The following ZNF385D variants were observed in gnomAD, a reference collection of about 807,000 sequenced individuals.
The protein encoded by ZNF385D is zinc finger protein 659.
A neutral mutation model predicts 35.8 loss-of-function variants in ZNF385D; 15 were observed. The observed-to-expected ratio is 0.42, with a 90% confidence interval of 0.28 to 0.64. The LOEUF (loss-of-function observed/expected upper bound fraction) is 0.64. Ranked by LOEUF, ZNF385D falls within the 30% of genes least tolerant of loss-of-function variation. ZNF385D has a pLI of 0.23. For synonymous variants in ZNF385D, 212 were observed against 186.8 expected (o/e 1.13, Z -1.10); for missense variants, 474 against 494.6 (o/e 0.96, Z 0.39).
At chr3:22,138,979 C>A (rs1394590822) in intron 3 of ZNF385D, among the ~76,000 whole-genome samples, 1 of 152,092 alleles carries the variant, frequency 6.6e-6, no homozygotes, top group Non-Finnish European at 1.5e-5. Context: ...AAGAAAAAAA[C>A]AAACAACCCC....
At chr3:22,192,728 T>G (rs1193680445) in intron 2 of ZNF385D, among the ~76,000 whole-genome samples, 1 of 152,130 alleles carries the variant, frequency 6.6e-6, no homozygotes, top group Non-Finnish European at 1.5e-5. Flanking sequence ...TCCAGACCTA[T>G]AGAAAATGTG....
intron 2 of ZNF385D, among the ~76,000 whole-genome samples, chr3:21,571,816 G>A (rs2063343365): frequency 6.6e-6 from 1 of 152,146 alleles, no homozygotes; most frequent in Non-Finnish European, 1.5e-5. Flanking sequence ...CGATTCAGAA[G>A]CAGCTCAATG....
chr3:21,485,610 C>T (rs935753254), intron 4 of ZNF385D, among the ~76,000 whole-genome samples: 2 of 151,884 alleles, frequency 1.3e-5, no homozygotes, highest in Non-Finnish European at 2.9e-5. Context: ...CCATTTTTCC[C>T]ATCTGTGAGG....
At chr3:22,203,418 C>T (rs760919604) in intron 2 of ZNF385D, among the ~76,000 whole-genome samples, 8 of 152,098 alleles carry the variant, frequency 5.3e-5, no homozygotes, top group African/African-American at 1.4e-4. Flanking sequence ...TGGGCTATAC[C>T]GGCTTCAAAG....
chr3:21,784,043 A>G (rs1031637277), intron 3 of ZNF385D, among the ~76,000 whole-genome samples: 1 of 152,154 alleles, frequency 6.6e-6, no homozygotes, highest in Admixed American at 6.5e-5. Context: ...TTGCCAGACT[A>G]ATTCAGCAGG....
At chr3:22,277,827 G>A (rs1396797322) in intron 2 of ZNF385D, among the ~76,000 whole-genome samples, 1 of 152,094 alleles carries the variant, frequency 6.6e-6, no homozygotes, top group African/African-American at 2.4e-5. Context: ...AGCATTACAT[G>A]ATGAAAGAGC....
In ZNF385D at chr3:21,602,412, G is replaced by T. The variant is rs1191080778; in HGVS notation, c.166-37728C>A. Among the ~76,000 whole-genome samples, 5 of 150,928 alleles carry T rather than the reference G, an allele frequency of 3.3e-5. No individual in the cohort carries two copies. The East Asian group carries it at 9.9e-4, about 30-fold the overall frequency. ...AAAATAATAAATGAATGGGCACATA[G>T]AACTCTTATTTTACGGGAAATGCAG... On this transcript the variant is annotated intron_variant, in intron 2 of 7. Transcript: ENST00000281523.
intron 2 of ZNF385D, among the ~76,000 whole-genome samples, chr3:22,331,480 A>G (rs1694934526): frequency 6.6e-6 from 1 of 152,176 alleles, no homozygotes; most frequent in African/African-American, 2.4e-5. Context: ...ATTAATGAAA[A>G]CTTAATATTA....
intron 2 of ZNF385D, among the ~76,000 whole-genome samples, chr3:22,332,004 G>T (rs989492747): frequency 3.3e-5 from 5 of 152,144 alleles, no homozygotes; most frequent in Middle Eastern, 6.8e-3. Context: ...AAGTAATATA[G>T]AAGAATAGTA....
chr3:22,043,083 AT>A (rs36005784), intron 3 of ZNF385D, among the ~76,000 whole-genome samples: 1 of 152,020 alleles, frequency 6.6e-6, no homozygotes, highest in Admixed American at 6.6e-5. Flanking sequence ...ATTCCTTGAC[AT>A]TTTTTCCACT....
chr3:21,544,335 C>T (rs1296067681), intron 3 of ZNF385D, among the ~76,000 whole-genome samples: 2 of 152,180 alleles, frequency 1.3e-5, no homozygotes, highest in African/African-American at 2.4e-5. Context: ...ATTAAGGCAA[C>T]TTATCAAGTT....
intron 2 of ZNF385D, among the ~76,000 whole-genome samples, chr3:22,260,473 T>C (rs542890749): frequency 2.6e-5 from 4 of 151,896 alleles, no homozygotes; most frequent in African/African-American, 9.6e-5. Flanking sequence ...ATGTAACAAA[T>C]CTGCACATTC....
chr3:21,809,739 T>C (rs1363752300), intron 3 of ZNF385D, among the ~76,000 whole-genome samples: 2 of 151,360 alleles, frequency 1.3e-5, no homozygotes, highest in Admixed American at 6.6e-5. Context: ...CATATATATA[T>C]ACACACATAC....
chr3:21,710,478 TG>T (rs2068060608), intron 1 of ZNF385D, among the ~76,000 whole-genome samples: 1 of 152,224 alleles, frequency 6.6e-6, no homozygotes, highest in Admixed American at 6.5e-5. Context: ...GGCTTCTTTT[TG>T]TGTTTTTCAT....
intron 1 of ZNF385D, among the ~76,000 whole-genome samples, chr3:21,699,895 G>A (rs1284030631): frequency 8.3e-5 from 12 of 143,970 alleles, no homozygotes; most frequent in Admixed American, 7.1e-4. Flanking sequence ...GCAGTGGTGC[G>A]ATCTTGGCTC....
At chr3:22,060,353 T>C (rs1335253476) in intron 3 of ZNF385D, among the ~76,000 whole-genome samples, 1 of 152,208 alleles carries the variant, frequency 6.6e-6, no homozygotes, top group Non-Finnish European at 1.5e-5. Context: ...AAGTATTTGT[T>C]GAAAAATTAA....
intron 2 of ZNF385D, among the ~76,000 whole-genome samples, chr3:22,267,660 T>G (rs1700965004): frequency 6.6e-6 from 1 of 151,942 alleles, no homozygotes; most frequent in African/African-American, 2.4e-5. Context: ...CTTTTCTTTG[T>G]CATGTAAAAA....
chr3:21,544,899 G>C (rs916455180), intron 3 of ZNF385D, among the ~76,000 whole-genome samples: 1 of 152,196 alleles, frequency 6.6e-6, no homozygotes, highest in East Asian at 1.9e-4. Flanking sequence ...GAATACTTCA[G>C]AGGGCCCCTG....
At chr3:22,270,249 C>T (rs1701104040) in intron 2 of ZNF385D, among the ~76,000 whole-genome samples, 1 of 151,994 alleles carries the variant, frequency 6.6e-6, no homozygotes, top group Non-Finnish European at 1.5e-5. Context: ...TGTGAAAGCA[C>T]CCAAAATTGC....
Sources: gnomAD v4.1 joint callset for allele counts (sites outside exome capture counted in the v4.1 genomes callset) on GRCh38, gnomAD v4.1.1 for gene constraint, MANE v1.5 for transcripts, NCBI Gene and HGNC (gene_info 2026-07-23, HGNC 2026-07-21) for gene names.